The following GNG7 variants were observed in gnomAD, a reference collection of about 807,000 sequenced individuals.
The protein encoded by GNG7 is G protein subunit gamma 7.
Under a neutral mutation model 4.0 loss-of-function variants are expected in GNG7, and 1 was observed. The observed-to-expected ratio is 0.25, with a 90% CI of 0.09 to 1.18. The LOEUF is 1.18. Ranked by LOEUF, GNG7 falls within the 50% of genes most tolerant of loss-of-function variation. The pLI, the probability that GNG7 is intolerant of heterozygous loss-of-function variation, is 0.50. For synonymous variants in GNG7, 34 were observed against 36.9 expected, an observed-to-expected ratio of 0.92 and a Z score of 0.29; for missense variants, 86 against 91.9, an observed-to-expected ratio of 0.94 and a Z score of 0.26.
chr19:2,633,485 GCGCACACA>G lies in GNG7; in HGVS notation c.-78+12731_-78+12738del, dbSNP rs1372888687. The stretch of plus-strand genomic sequence containing the variant: ...CTTAGCAACAGGCGCGCGCGCGCGC[GCGCACACA>G]CACACACACACACACACACACACAC... On this transcript the variant is annotated intron_variant, in intron 2 of 4. Coordinates refer to ENST00000382159, the MANE Select transcript of GNG7 (RefSeq NM_052847.3). This position sits in a 1 kb window ranked among gnomAD's most constrained non-coding sequence, Gnocchi z 5.9. 0.017 allele frequency among the ~76,000 whole-genome samples: 2,228 copies of G among 131,916 alleles called. 26 individuals carry two copies. Among genetic ancestry groups the G allele is most frequent in the Middle Eastern group, 0.037 (10 of 270 alleles). The allele number at this position is 131,916 out of a possible 152,430, so 86.5% of individuals were successfully genotyped here.
chr19:2,659,941 G>A (rs1438284335), intron 1 of GNG7, among the ~76,000 whole-genome samples: 6 of 151,988 alleles, frequency 3.9e-5, no homozygotes, highest in Middle Eastern at 3.4e-3. Context: ...GCTTTCCCCC[G>A]AGCCCCTGTG....
chr19:2,554,603 G>T (rs1384016780), intron 3 of GNG7, among the ~76,000 whole-genome samples: 5 of 149,666 alleles, frequency 3.3e-5, no homozygotes, highest in Admixed American at 3.3e-4. Flanking sequence ...TGCCCAGGCT[G>T]GTGTACGGTG....
At chr19:2,554,556 TA>T (rs376541408) in intron 3 of GNG7, among the ~76,000 whole-genome samples, 3,316 of 58,506 alleles carry the variant, frequency 0.057, 36 homozygotes, top group East Asian at 0.25. Context: ...TATATATATA[TA>T]TATTTTTTTT....
chr19:2,655,213 C>T (rs1454496057), intron 1 of GNG7, among the ~76,000 whole-genome samples: 13 of 145,812 alleles, frequency 8.9e-5, no homozygotes, highest in Admixed American at 8.2e-4. Context: ...AAACCACACA[C>T]ACACAAAAAC....
At chr19:2,641,656 CTTT>C (rs371011913) in intron 2 of GNG7, among the ~76,000 whole-genome samples, 3 of 149,588 alleles carry the variant, frequency 2.0e-5, no homozygotes, top group African/African-American at 7.4e-5. Flanking sequence ...TGTTAGACTT[CTTT>C]TTTTTTTATT....
At chr19:2,683,763 G>A (rs1228536283) in intron 1 of GNG7, 1 of 152,452 alleles carries the variant, frequency 6.6e-6, no homozygotes. Context: ...AATTAACTGA[G>A]CTGTGAAAAA....
At chr19:2,522,107 T>C (rs1180280693) in intron 3 of GNG7, among the ~76,000 whole-genome samples, 1 of 152,098 alleles carries the variant, frequency 6.6e-6, no homozygotes, top group Non-Finnish European at 1.5e-5. Flanking sequence ...CATTTGTGGC[T>C]GTCATGACTT....
chr19:2,600,208 C>T (rs1293452746), intron 2 of GNG7, among the ~76,000 whole-genome samples: 4 of 151,038 alleles, frequency 2.6e-5, no homozygotes, highest in African/African-American at 9.7e-5. Flanking sequence ...TTTTTTTAAA[C>T]CATATATTTT....
At chr19:2,631,067 A>G (rs1982146469) in intron 2 of GNG7, among the ~76,000 whole-genome samples, 1 of 152,200 alleles carries the variant, frequency 6.6e-6, no homozygotes, top group African/African-American at 2.4e-5. Flanking sequence ...TTGTCTCAAC[A>G]GCACTGTGTG....
intron 2 of GNG7, among the ~76,000 whole-genome samples, chr19:2,559,569 A>C (rs1016062791): frequency 6.6e-6 from 1 of 151,554 alleles, no homozygotes; most frequent in African/African-American, 2.4e-5. Flanking sequence ...AGGCTGGAGT[A>C]CAATGGTGGA....
chr19:2,578,515 T>G (rs1190009620), intron 2 of GNG7, among the ~76,000 whole-genome samples: 1 of 152,210 alleles, frequency 6.6e-6, no homozygotes, highest in Non-Finnish European at 1.5e-5. Context: ...CTGCAGGGCC[T>G]AAGGAATTCA....
chr19:2,661,244 G>GAAAA (rs71179905), intron 1 of GNG7, among the ~76,000 whole-genome samples: 1 of 93,192 alleles, frequency 1.1e-5, no homozygotes, highest in African/African-American at 4.4e-5. Context: ...AAGAAAGAAA[G>GAAAA]AAAAGAAAGA....
Position 2,546,679 on chromosome 19 carries a change from C to A in GNG7, c.-38+8470G>T, listed in dbSNP as rs926503968. Among the ~76,000 whole-genome samples the A allele has an allele frequency of 6.6e-6, 1 of 152,210 alleles. No individual in the cohort carries two copies. Among genetic ancestry groups the A allele is most frequent in the African/African-American group, 2.4e-5 (1 of 41,464 alleles). On this transcript the variant is annotated intron_variant, in intron 3 of 4. Transcript: ENST00000382159. The surrounding 1 kb of genome is among the most constrained non-coding windows in gnomAD (Gnocchi z 6.3). ...AGCTTGGAGCCTAAGAATGAGCCGGCTTGTTCAGACAAAGAGGCCGCGACG... is the reference window on the plus strand; with the variant it reads ...AGCTTGGAGCCTAAGAATGAGCCGGATTGTTCAGACAAAGAGGCCGCGACG...
chr19:2,673,591 G>T (rs1351471650), intron 1 of GNG7, among the ~76,000 whole-genome samples: 3 of 151,794 alleles, frequency 2.0e-5, no homozygotes, highest in Non-Finnish European at 2.9e-5. Flanking sequence ...TACTTGGGAG[G>T]CTGAGGCAGG....
At chr19:2,636,859 C>T (rs1982320866) in intron 2 of GNG7, among the ~76,000 whole-genome samples, 1 of 152,036 alleles carries the variant, frequency 6.6e-6, no homozygotes, top group Non-Finnish European at 1.5e-5. Context: ...GGGATACAGT[C>T]AGTATGCACT....
At chr19:2,598,467 C>G (rs1354856795) in intron 2 of GNG7, among the ~76,000 whole-genome samples, 2 of 150,954 alleles carry the variant, frequency 1.3e-5, no homozygotes, top group African/African-American at 4.9e-5. Context: ...ACCATCCTGG[C>G]TAACACGGTG....
chr19:2,590,454 C>T (rs557852842), intron 2 of GNG7, among the ~76,000 whole-genome samples: 48 of 151,866 alleles, frequency 3.2e-4, no homozygotes, highest in African/African-American at 1.2e-3. Flanking sequence ...CCCATCCATT[C>T]ACTCATCTAT....
chr19:2,650,183 C>A (rs868094911), intron 1 of GNG7, among the ~76,000 whole-genome samples: 2 of 126,006 alleles, frequency 1.6e-5, no homozygotes, highest in African/African-American at 6.4e-5. Flanking sequence ...TCATAGGAAT[C>A]TTTTTTTTTT....
chr19:2,613,368 C>T (rs191842475), intron 2 of GNG7, among the ~76,000 whole-genome samples: 34 of 152,320 alleles, frequency 2.2e-4, no homozygotes, highest in African/African-American at 7.7e-4. Flanking sequence ...GGTGTCTACA[C>T]TACCTGGAGA....
Sources: allele counts gnomAD v4.1 joint callset (sites outside exome capture counted in the v4.1 genomes callset), GRCh38; gene constraint gnomAD v4.1.1; non-coding constraint Gnocchi (gnomAD v3.1); transcripts MANE v1.5; gene names NCBI Gene and HGNC (gene_info 2026-07-23, HGNC 2026-07-21).